Variants in BACH2 observed in about 807,000 individuals in gnomAD.
BACH2 encodes BACH transcriptional regulator 2, also known as transcription regulator protein BACH2.
Under a neutral mutation model 61.8 loss-of-function variants are expected in BACH2, and 5 were observed. The ratio of observed to expected loss-of-function variants is 0.08; its 90% confidence interval spans 0.04 to 0.17. The LOEUF is 0.17. Ranked by LOEUF, BACH2 falls within the 10% of genes least tolerant of loss-of-function variation. BACH2 has a pLI of 1.00. For missense variants in BACH2, 824 were observed against 1,091.1 expected (o/e 0.76, Z 3.45); for synonymous variants, 446 against 440.1 (o/e 1.01, Z -0.17).
At chr6:90,061,446 G>C (rs1780681491) in intron 5 of BACH2, among the ~76,000 whole-genome samples, 1 of 152,150 alleles carries the variant, frequency 6.6e-6, no homozygotes, top group Non-Finnish European at 1.5e-5. Context: ...TAAGAGTTCT[G>C]TTTTGAATAT....
chr6:89,941,330 G>A (rs367681662), intron 7 of BACH2, among the ~76,000 whole-genome samples: 5 of 152,296 alleles, frequency 3.3e-5, no homozygotes, highest in South Asian at 2.1e-4. Context: ...TCACAGCTCC[G>A]AGCTTGTGCA....
chr6:90,281,035 A>C (rs1771843723), intron 1 of BACH2, among the ~76,000 whole-genome samples: 1 of 152,202 alleles, frequency 6.6e-6, no homozygotes, highest in South Asian at 2.1e-4. Flanking sequence ...CTCTGTGGTG[A>C]AAATCTTTCT....
At chr6:90,012,608 G>A (rs552333276) in intron 5 of BACH2, among the ~76,000 whole-genome samples, 13 of 149,174 alleles carry the variant, frequency 8.7e-5, no homozygotes, top group African/African-American at 2.7e-4. Flanking sequence ...TAGCCTGGGC[G>A]ACAGAGCAAG....
At position 89,950,190 on chromosome 6, in the gene BACH2, G is replaced by A; in HGVS notation, c.1836+80C>T. 6.8e-7 allele frequency: 1 copy of A among 1,473,016 alleles called. No individual in the cohort carries two copies. Among genetic ancestry groups the A allele is most frequent in the Non-Finnish European group, 9.5e-7 (1 of 1,052,690 alleles). 91.2% of individuals were successfully genotyped at this position (1,473,016 alleles called of 1,614,324 possible). Reference sequence around the variant, plus strand: ...ATCTTAGCACGTAAGAACAATGTGGGAGTGGTGGGGGGCAGGGAGTAGTCC... The same window carrying A: ...ATCTTAGCACGTAAGAACAATGTGGAAGTGGTGGGGGGCAGGGAGTAGTCC... On this transcript the variant is annotated intron_variant, in intron 7 of 8. Transcript: ENST00000257749. The surrounding 1 kb of genome is among the most constrained non-coding windows in gnomAD (Gnocchi z 5.3).
intron 1 of BACH2, among the ~76,000 whole-genome samples, chr6:90,277,985 A>G (rs962296664): frequency 6.6e-6 from 1 of 152,258 alleles, no homozygotes; most frequent in African/African-American, 2.4e-5. Flanking sequence ...TGGCAAGATA[A>G]TATTATCAGT....
chr6:90,032,451 T>A (rs1378099337), intron 5 of BACH2, among the ~76,000 whole-genome samples: 1 of 116,064 alleles, frequency 8.6e-6, no homozygotes, highest in Non-Finnish European at 1.6e-5. Flanking sequence ...TTTTGTAATC[T>A]ACTCATCTGA....
chr6:89,963,114 C>T (rs143939580), intron 6 of BACH2, among the ~76,000 whole-genome samples: 380 of 152,150 alleles, frequency 2.5e-3, no homozygotes, highest in African/African-American at 8.6e-3. Context: ...ATACAAATAG[C>T]CAACAAACAT....
intron 5 of BACH2, among the ~76,000 whole-genome samples, chr6:90,009,741 T>G (rs1777606897): frequency 6.6e-6 from 1 of 152,242 alleles, no homozygotes; most frequent in South Asian, 2.1e-4. Context: ...CTCAGCTCAC[T>G]GCAACCTCCA....
At position 89,950,174 on chromosome 6, in the gene BACH2, C is replaced by G. The variant is rs762921457; in HGVS notation, c.1836+96G>C. 7.2e-7 allele frequency: 1 copy of G among 1,393,524 alleles called. No homozygotes were observed. The highest frequency in any genetic ancestry group is 1.0e-6 in the Non-Finnish European group (1 of 982,282). 86.3% of individuals were successfully genotyped at this position (1,393,524 alleles called of 1,614,324 possible). A position where few individuals can be genotyped will look rare whatever the true frequency, so the allele number is the denominator to read the frequency against. Reference sequence around the variant, plus strand: ...TCTACTGTCATCTTTAATCTTAGCACGTAAGAACAATGTGGGAGTGGTGGG... The same window carrying G: ...TCTACTGTCATCTTTAATCTTAGCAGGTAAGAACAATGTGGGAGTGGTGGG... On this transcript the variant is annotated intron_variant, in intron 7 of 8. Coordinates refer to ENST00000257749, the MANE Select transcript of BACH2 (RefSeq NM_021813.4). This position sits in a 1 kb window ranked among gnomAD's most constrained non-coding sequence, Gnocchi z 5.3.
In BACH2 at chr6:89,928,985, T is replaced by A. The variant is rs1383175430; in HGVS notation, c.*3423A>T. 1 of 151,962 alleles carries A rather than the reference T, an allele frequency of 6.6e-6. No individual in the cohort carries two copies. The highest frequency in any genetic ancestry group is 6.6e-5 in the Admixed American group (1 of 15,202). 9.4% of individuals were successfully genotyped at this position (151,962 alleles called of 1,614,324 possible). A position where few individuals can be genotyped will look rare whatever the true frequency, so the allele number is the denominator to read the frequency against. On this transcript the variant is annotated 3_prime_UTR_variant, in exon 9 of 9. Coordinates refer to ENST00000257749, the MANE Select transcript of BACH2 (RefSeq NM_021813.4). ...GAAACAAACACATACAGCAAATCACTCACCTGTCCAAAGCCTGACCAACTT... is the reference window on the plus strand; with the variant it reads ...GAAACAAACACATACAGCAAATCACACACCTGTCCAAAGCCTGACCAACTT...
intron 6 of BACH2, among the ~76,000 whole-genome samples, chr6:90,005,627 G>C (rs1048865214): frequency 7.2e-5 from 11 of 152,174 alleles, no homozygotes; most frequent in African/African-American, 2.7e-4. Context: ...CAGCACGTGG[G>C]TCCACAGGCA....
At chr6:90,184,988 GT>G (rs768921493) in intron 4 of BACH2, among the ~76,000 whole-genome samples, 1 of 152,232 alleles carries the variant, frequency 6.6e-6, no homozygotes, top group Non-Finnish European at 1.5e-5. Flanking sequence ...GACTGAAGGA[GT>G]TAAGAGTACC....
intron 6 of BACH2, among the ~76,000 whole-genome samples, chr6:89,979,982 A>G (rs1172371314): frequency 2.0e-5 from 3 of 152,204 alleles, no homozygotes; most frequent in Non-Finnish European, 2.9e-5. Flanking sequence ...CAGTCATATA[A>G]CTTGTGTATT....
chr6:90,097,986 G>A (rs997857263), intron 4 of BACH2, among the ~76,000 whole-genome samples: 4 of 152,094 alleles, frequency 2.6e-5, no homozygotes, highest in East Asian at 1.9e-4. Flanking sequence ...GTGAAAAGGC[G>A]GCTTTTATTG....
chr6:90,030,421 T>C (rs1778906446), intron 5 of BACH2, among the ~76,000 whole-genome samples: 1 of 152,046 alleles, frequency 6.6e-6, no homozygotes, highest in South Asian at 2.1e-4. Context: ...CCAGCAGGGT[T>C]TTTTGAAAAG....
At chr6:90,242,224 T>C (rs1442653436) in intron 3 of BACH2, among the ~76,000 whole-genome samples, 3 of 152,292 alleles carry the variant, frequency 2.0e-5, no homozygotes, top group Middle Eastern at 6.8e-3. Context: ...GCCCTTAAAA[T>C]CCACTGTGCT....
chr6:90,025,129 C>A (rs981954444), intron 5 of BACH2, among the ~76,000 whole-genome samples: 33 of 152,086 alleles, frequency 2.2e-4, no homozygotes, highest in African/African-American at 7.7e-4. Context: ...GAAAGGGAGC[C>A]CATGTCAGGC....
chr6:90,200,899 T>C (rs549784572), intron 4 of BACH2, among the ~76,000 whole-genome samples: 1 of 152,314 alleles, frequency 6.6e-6, no homozygotes, highest in East Asian at 1.9e-4. Flanking sequence ...ATCTAGAACA[T>C]ACAAGCAAAA....
chr6:90,158,492 C>A (rs1003820482), intron 4 of BACH2, among the ~76,000 whole-genome samples: 25 of 152,004 alleles, frequency 1.6e-4, no homozygotes, highest in Non-Finnish European at 3.4e-4. Flanking sequence ...ACAGTCATAA[C>A]TGATTGGGAC....
Sources: gnomAD v4.1 joint callset for allele counts (sites outside exome capture counted in the v4.1 genomes callset) on GRCh38, gnomAD v4.1.1 for gene constraint, Gnocchi (gnomAD v3.1) non-coding constraint, MANE v1.5 for transcripts, NCBI Gene and HGNC (gene_info 2026-07-23, HGNC 2026-07-21) for gene names.